The following AGBL4 variants were observed in gnomAD, a reference collection of about 807,000 sequenced individuals.
The protein encoded by AGBL4 is AGBL carboxypeptidase 4, also known as cytosolic carboxypeptidase 6.
In AGBL4, 58 loss-of-function variants were observed where a neutral mutation model predicts 66.4. The observed-to-expected ratio is 0.87, with a 90% confidence interval of 0.71 to 1.09. The LOEUF (loss-of-function observed/expected upper bound fraction) is 1.09, where lower values mean the gene tolerates loss of function less well. AGBL4 is among the 50% of genes least tolerant of loss of function. The pLI is 0.00. For missense variants in AGBL4, 579 were observed against 631.0 expected (o/e 0.92, Z 0.88); for synonymous variants, 234 against 222.9 (o/e 1.05, Z -0.44).
intron 3 of AGBL4, among the ~76,000 whole-genome samples, chr1:49,457,837 T>G (rs1211617666): frequency 6.6e-6 from 1 of 151,798 alleles, no homozygotes. Context: ...CACTTTATGT[T>G]TTTGTTTGCT....
chr1:48,604,372 A>G (rs552451819), intron 9 of AGBL4, among the ~76,000 whole-genome samples: 35 of 152,286 alleles, frequency 2.3e-4, no homozygotes, highest in African/African-American at 7.9e-4. Context: ...GTTCCCAGTT[A>G]GAGTGAGATG....
intron 3 of AGBL4, among the ~76,000 whole-genome samples, chr1:49,308,176 T>C (rs1157731780): frequency 5.9e-5 from 9 of 152,164 alleles, no homozygotes; most frequent in Non-Finnish European, 8.8e-5. Context: ...GCCTGCATAA[T>C]TGTGAACCAA....
intron 3 of AGBL4, among the ~76,000 whole-genome samples, chr1:49,512,656 T>G (rs1227865919): frequency 1.3e-5 from 2 of 151,978 alleles, no homozygotes; most frequent in Non-Finnish European, 2.9e-5. Flanking sequence ...GATACCATGA[T>G]GCTTCTTGTA....
At chr1:49,369,797 G>T (rs1427016758) in intron 3 of AGBL4, among the ~76,000 whole-genome samples, 1 of 151,980 alleles carries the variant, frequency 6.6e-6, no homozygotes, top group Non-Finnish European at 1.5e-5. Context: ...TAATTGTGAT[G>T]ATTTATTTTA....
chr1:48,646,339 T>C (rs1645834323), intron 8 of AGBL4, among the ~76,000 whole-genome samples: 1 of 152,220 alleles, frequency 6.6e-6, no homozygotes, highest in Admixed American at 6.5e-5. Context: ...CTTTGTTTTC[T>C]GTTTCTAGCT....
chr1:50,020,158 C>T lies in AGBL4; in HGVS notation c.34+3605G>A, dbSNP rs535666566. On this transcript the variant is annotated intron_variant, in intron 1 of 13. Coordinates refer to ENST00000371839, the MANE Select transcript of AGBL4 (RefSeq NM_032785.4). Reference sequence around the variant, plus strand: ...ATGATACACAGTTCAGGTAACAATTCTACATTCTCCAAAACTTAATGTCTG... The same window carrying T: ...ATGATACACAGTTCAGGTAACAATTTTACATTCTCCAAAACTTAATGTCTG... Among the ~76,000 whole-genome samples the T allele has an allele frequency of 2.6e-5, 4 of 152,102 alleles. No individual in the cohort carries two copies. In the East Asian group the frequency reaches 7.7e-4, roughly 29 times the overall value.
At chr1:48,914,765 C>T (rs1034454603) in intron 5 of AGBL4, among the ~76,000 whole-genome samples, 1 of 152,172 alleles carries the variant, frequency 6.6e-6, no homozygotes, top group Admixed American at 6.5e-5. Context: ...CCTGCACTCA[C>T]CCAGTAGGTT....
intron 3 of AGBL4, among the ~76,000 whole-genome samples, chr1:49,271,806 A>T (rs1217678665): frequency 1.3e-5 from 2 of 152,008 alleles, no homozygotes; most frequent in Non-Finnish European, 2.9e-5. Context: ...GTACCCCTTC[A>T]CCCCATTTGT....
intron 3 of AGBL4, among the ~76,000 whole-genome samples, chr1:49,563,148 C>T (rs1010463891): frequency 5.3e-5 from 8 of 151,810 alleles, no homozygotes; most frequent in South Asian, 2.1e-4. Context: ...GTGATTTTTG[C>T]ACATTGATTT....
chr1:49,106,759 G>A (rs1436627509), intron 4 of AGBL4, among the ~76,000 whole-genome samples: 2 of 152,074 alleles, frequency 1.3e-5, no homozygotes, highest in Non-Finnish European at 1.5e-5. Context: ...TTTACCCAAG[G>A]CTTTGTTCCT....
At chr1:49,380,103 C>G (rs1196192613) in intron 3 of AGBL4, among the ~76,000 whole-genome samples, 1 of 152,102 alleles carries the variant, frequency 6.6e-6, no homozygotes, top group Non-Finnish European at 1.5e-5. Flanking sequence ...TAGAAAACCC[C>G]ATTGGCTCAG....
intron 3 of AGBL4, among the ~76,000 whole-genome samples, chr1:49,260,782 G>C (rs918789846): frequency 6.6e-6 from 1 of 152,190 alleles, no homozygotes; most frequent in Admixed American, 6.5e-5. Context: ...AATAGAAAAA[G>C]AGGGAATCCT....
At chr1:49,730,507 T>A (rs1408339890) in intron 2 of AGBL4, among the ~76,000 whole-genome samples, 1 of 152,052 alleles carries the variant, frequency 6.6e-6, no homozygotes, top group Non-Finnish European at 1.5e-5. Context: ...AACTATGGCA[T>A]TCCCTGGGGG....
At chr1:49,974,613 T>C (rs1415611867) in intron 1 of AGBL4, among the ~76,000 whole-genome samples, 3 of 152,164 alleles carry the variant, frequency 2.0e-5, no homozygotes, top group Non-Finnish European at 4.4e-5. Context: ...CATTCTATTT[T>C]CTTTTAACTG....
chr1:49,785,790 A>G (rs1173532126), intron 2 of AGBL4, among the ~76,000 whole-genome samples: 1 of 151,650 alleles, frequency 6.6e-6, no homozygotes, highest in Non-Finnish European at 1.5e-5. Context: ...CTAGGCTAGA[A>G]AAAAGTGTTA....
chr1:49,663,291 G>A (rs1646304775), intron 3 of AGBL4, among the ~76,000 whole-genome samples: 1 of 152,126 alleles, frequency 6.6e-6, no homozygotes, highest in South Asian at 2.1e-4. Context: ...AAATTTCCCA[G>A]TACCTCCTAT....
chr1:49,383,352 GA>G (rs929446929), intron 3 of AGBL4, among the ~76,000 whole-genome samples: 3 of 151,546 alleles, frequency 2.0e-5, no homozygotes, highest in South Asian at 2.1e-4. Context: ...TAATCTTGAG[GA>G]AAAAAAACAT....
chr1:49,865,246 C>A (rs935943154), intron 1 of AGBL4, among the ~76,000 whole-genome samples: 1 of 152,314 alleles, frequency 6.6e-6, no homozygotes, highest in African/African-American at 2.4e-5. Context: ...AGCCCCTCCA[C>A]CAAAGAGCAG....
At chr1:49,915,548 C>T (rs909803047) in intron 1 of AGBL4, among the ~76,000 whole-genome samples, 3 of 152,198 alleles carry the variant, frequency 2.0e-5, no homozygotes, top group Admixed American at 2.0e-4. Context: ...GGGGCACCCG[C>T]CATTGCTGAG....
Sources: allele counts gnomAD v4.1 joint callset (sites outside exome capture counted in the v4.1 genomes callset), GRCh38; gene constraint gnomAD v4.1.1; transcripts MANE v1.5; gene names NCBI Gene and HGNC (gene_info 2026-07-23, HGNC 2026-07-21).